Variants in CCR4 observed in about 807,000 individuals in gnomAD.
CCR4 encodes C-C motif chemokine receptor 4.
A neutral mutation model predicts 17.1 loss-of-function variants in CCR4; 9 were observed. The observed-to-expected ratio is 0.53, with a 90% CI of 0.32 to 0.92. The LOEUF (loss-of-function observed/expected upper bound fraction) is 0.92, where lower values mean the gene tolerates loss of function less well. Among genes scored for constraint, CCR4 ranks in the 40% least tolerant of loss-of-function variants. The probability of loss-of-function intolerance (pLI) is 0.04; values close to 1 mark genes in which losing one functional copy is unlikely to be tolerated. For synonymous variants in CCR4, 217 were observed against 174.3 expected (o/e 1.24, Z -1.93); for missense variants, 385 against 433.9 (o/e 0.89, Z 1.00).
At position 32,954,466 on chromosome 3, in the gene CCR4, G is replaced by T; in HGVS notation, c.1044G>T (p.Thr348=). 6.4e-7 allele frequency: 1 copy of T among 1,566,336 alleles called. No individual in the cohort carries two copies. The highest frequency in any genetic ancestry group is 1.4e-5 in the African/African-American group (1 of 73,124). ...YSADTPSSSY[T]QSTMDHDLHD... is the part of the protein sequence containing the mutation. ...CTGACACCCCCAGCTCATCTTACAC[G>T]CAGTCCACCATGGATCATGATCTCC... Residue 348 remains threonine (T), a synonymous_variant, in exon 2 of 2, where the codon ACG becomes ACT. Coordinates refer to ENST00000330953, the MANE Select transcript of CCR4 (RefSeq NM_005508.5).
At position 32,954,008 on chromosome 3, in the gene CCR4, A is replaced by C. The variant is rs1226150766; in HGVS notation, c.586A>C (p.Thr196Pro). 6.2e-7 allele frequency: 1 copy of C among 1,613,954 alleles called. No homozygotes were observed. Among genetic ancestry groups the C allele is most frequent in the Admixed American group, 1.7e-5 (1 of 59,984 alleles). Residue 196 changes from threonine to proline, a missense_variant, in exon 2 of 2, where the codon ACG becomes CCG. Coordinates refer to ENST00000330953, the MANE Select transcript of CCR4 (RefSeq NM_005508.5). ...YCKTKYSLNSTTWKVLSSLEI... is the reference protein window; with the variant it reads ...YCKTKYSLNSPTWKVLSSLEI... ...CAAAACCAAGTACTCTCTCAACTCCACGACGTGGAAGGTTCTCAGCTCCCT... is the reference window on the plus strand; with the variant it reads ...CAAAACCAAGTACTCTCTCAACTCCCCGACGTGGAAGGTTCTCAGCTCCCT...
In CCR4 at chr3:32,953,849, G is replaced by A. The variant is rs1283685228; in HGVS notation, c.427G>A (p.Val143Met). The A allele has an allele frequency of 2.5e-6, 4 of 1,614,080 alleles. No individual in the cohort carries two copies. In the African/African-American group the frequency reaches 5.3e-5, roughly 22 times the overall value. Residue 143 changes from valine (V) to methionine (M), a missense_variant, in exon 2 of 2, where the codon GTG becomes ATG. By Grantham distance (21) the Val-to-Met change is conservative. Transcript: ENST00000330953. ...TAGATACCTGGCAATTGTGCACGCG[G>A]TGTTTTCCTTGAGGGCAAGGACCTT... ...IDRYLAIVHA[V>M]FSLRARTLTY...
At position 32,954,723 on chromosome 3, in the gene CCR4, C is replaced by T; in HGVS notation, c.*218C>T. 1 of 507,078 alleles carries T rather than the reference C, an allele frequency of 2.0e-6. No homozygotes were observed. The highest frequency in any genetic ancestry group is 3.2e-5 in the East Asian group (1 of 30,966). 31.4% of individuals were successfully genotyped at this position (507,078 alleles called of 1,614,324 possible). On this transcript the variant is annotated 3_prime_UTR_variant, in exon 2 of 2. Coordinates refer to ENST00000330953, the MANE Select transcript of CCR4 (RefSeq NM_005508.5). ...TGGGCTGAGGCATCCTTCCTCACAC[C>T]AGGCTTGCCTGCAGGCATGAGTCAG...
rs776019778 is a variant in CCR4 at position 32,953,568 on chromosome 3, T to C, written c.146T>C (p.Val49Ala). Residue 49 changes from valine (V) to alanine (A), a missense_variant, in exon 2 of 2, where the codon GTT becomes GCT. Val to Ala is a moderately conservative substitution (Grantham distance 64, BLOSUM62 0). Coordinates refer to ENST00000330953, the MANE Select transcript of CCR4 (RefSeq NM_005508.5). ...TTCCTGCCCCCACTGTATTCCTTGG[T>C]TTTTGTATTTGGTCTGCTTGGAAAT... ...ELFLPPLYSL[V>A]FVFGLLGNSV... The C allele has an allele frequency of 6.2e-7, 1 of 1,614,062 alleles. No individual in the cohort carries two copies. The highest frequency in any genetic ancestry group is 8.5e-7 in the Non-Finnish European group (1 of 1,180,004).
At position 32,953,503 on chromosome 3, in the gene CCR4, G is replaced by A. The variant is rs747631520; in HGVS notation, c.81G>A (p.Lys27=). Residue 27 remains lysine (K), a synonymous_variant, in exon 2 of 2, where the codon AAG becomes AAA. Transcript: ENST00000330953. ...SNYYLYESIP[K]PCTKEGIKAF... Reference sequence around the variant, plus strand: ...ACTATCTGTATGAAAGTATCCCCAAGCCTTGCACCAAAGAAGGCATCAAGG... The same window carrying A: ...ACTATCTGTATGAAAGTATCCCCAAACCTTGCACCAAAGAAGGCATCAAGG... 1.9e-6 allele frequency: 3 copies of A among 1,614,062 alleles called. No individual in the cohort carries two copies. Among genetic ancestry groups the A allele is most frequent in the East Asian group, 4.5e-5 (2 of 44,884 alleles).
In CCR4 at chr3:32,954,277, C is replaced by T. The variant is rs1257394067; in HGVS notation, c.855C>T (p.Ala285=). The change falls in exon 2 of 2, where the codon GCC becomes GCT. Residue 285 remains alanine (A), a synonymous_variant. Coordinates refer to ENST00000330953, the MANE Select transcript of CCR4 (RefSeq NM_005508.5). The part of the protein sequence containing the change: ...DCTFERYLDY[A]IQATETLAFV... ...CCTTTGAAAGATACTTGGACTATGC[C>T]ATCCAGGCCACAGAAACTCTGGCTT... The T allele has an allele frequency of 6.2e-7, 1 of 1,613,972 alleles. No individual in the cohort carries two copies. The highest frequency in any genetic ancestry group is 1.1e-5 in the South Asian group (1 of 91,036).
At position 32,953,512 on chromosome 3, in the gene CCR4, C is replaced by T; in HGVS notation, c.90C>T (p.Thr30=). The change falls in exon 2 of 2, where the codon ACC becomes ACT. Residue 30 remains threonine, a synonymous_variant. Coordinates refer to ENST00000330953, the MANE Select transcript of CCR4 (RefSeq NM_005508.5). ...YLYESIPKPC[T]KEGIKAFGEL... ...ATGAAAGTATCCCCAAGCCTTGCAC[C>T]AAAGAAGGCATCAAGGCATTTGGGG... is the stretch of plus-strand genomic sequence containing the variant. The T allele has an allele frequency of 6.2e-7, 1 of 1,614,078 alleles. No homozygotes were observed. The highest frequency in any genetic ancestry group is 8.5e-7 in the Non-Finnish European group (1 of 1,180,010).
At position 32,954,557 on chromosome 3, in the gene CCR4, T is replaced by C; in HGVS notation, c.*52T>C. The C allele has an allele frequency of 6.8e-7, 1 of 1,479,534 alleles. No individual in the cohort carries two copies. The highest frequency in any genetic ancestry group is 1.5e-5 in the South Asian group (1 of 65,382). The allele number at this position is 1,479,534 out of a possible 1,614,324, so 91.7% of individuals were successfully genotyped here. On this transcript the variant is annotated 3_prime_UTR_variant, in exon 2 of 2. Transcript: ENST00000330953. ...CAATGAACTTTCCACATTCAGAGCTTACTTAAAATTGTATTTTAGTAAGAG... is the reference window on the plus strand; with the variant it reads ...CAATGAACTTTCCACATTCAGAGCTCACTTAAAATTGTATTTTAGTAAGAG...
chr3:32,953,386 GC>G lies in CCR4; in HGVS notation c.-34del, dbSNP rs1246828712. The G allele has an allele frequency of 3.9e-6, 6 of 1,553,552 alleles. No homozygotes were observed. The highest frequency in any genetic ancestry group is 4.3e-6 in the Non-Finnish European group (5 of 1,154,874). On this transcript the variant is annotated 5_prime_UTR_variant, in exon 2 of 2. Transcript: ENST00000330953. ...CCCCTCATTAGCTGCTTCTGGTTGG[GC>G]CCAGACCTGCCTTGAGGAGCCTGTA...
chr3:32,953,949 G>C lies in CCR4; in HGVS notation c.527G>C (p.Ser176Thr). 6.2e-7 allele frequency: 1 copy of C among 1,614,074 alleles called. No individual in the cohort carries two copies. The highest frequency in any genetic ancestry group is 8.5e-7 in the Non-Finnish European group (1 of 1,180,018). ...VFASLPGFLF[S>T]TCYTERNHTY... ...GCCTCCCTTCCTGGCTTTCTGTTCA[G>C]CACTTGTTATACTGAGCGCAACCAT... Residue 176 changes from serine (S) to threonine (T), a missense_variant, in exon 2 of 2, where the codon AGC becomes ACC. Transcript: ENST00000330953.
At chr3:32,951,938 A>T (rs1353756369) in intron 1 of CCR4, among the ~76,000 whole-genome samples, 1 of 152,174 alleles carries the variant, frequency 6.6e-6, no homozygotes, top group Non-Finnish European at 1.5e-5. Context: ...ATTTTCATAA[A>T]AAATATACAC....
rs1264946608 is a variant in CCR4 at position 32,955,058 on chromosome 3, T to A, written c.*553T>A. 6.0e-6 allele frequency: 1 copy of A among 167,200 alleles called. No individual in the cohort carries two copies. The highest frequency in any genetic ancestry group is 1.5e-5 in the Non-Finnish European group (1 of 68,206). 10.4% of individuals were successfully genotyped at this position (167,200 alleles called of 1,614,324 possible). A position where few individuals can be genotyped will look rare whatever the true frequency, so the allele number is the denominator to read the frequency against. On this transcript the variant is annotated 3_prime_UTR_variant, in exon 2 of 2. Coordinates refer to ENST00000330953, the MANE Select transcript of CCR4 (RefSeq NM_005508.5). Reference sequence around the variant, plus strand: ...GATCTCAATTATTTATTGTAAAGGATTATCTGTTAATTGAAACCAAACTTT... The same window carrying A: ...GATCTCAATTATTTATTGTAAAGGAATATCTGTTAATTGAAACCAAACTTT...
Position 32,954,061 on chromosome 3 carries a change from C to A in CCR4, c.639C>A (p.Ile213=). The A allele has an allele frequency of 6.2e-7, 1 of 1,614,144 alleles. No individual in the cohort carries two copies. ...AAATCAACATTCTCGGATTGGTGAT[C>A]CCCTTAGGGATCATGCTGTTTTGCT... ...SLEINILGLV[I]PLGIMLFCYS... is the part of the protein sequence containing the mutation. The change falls in exon 2 of 2, where the codon ATC becomes ATA. Residue 213 remains isoleucine, a synonymous_variant. Transcript: ENST00000330953.
Position 32,954,488 on chromosome 3 carries a change from C to A in CCR4, c.1066C>A (p.Leu356Ile). 1.3e-6 allele frequency: 2 copies of A among 1,526,852 alleles called. No homozygotes were observed. Among genetic ancestry groups the A allele is most frequent in the Admixed American group, 2.2e-5 (1 of 44,574 alleles). 94.6% of individuals were successfully genotyped at this position (1,526,852 alleles called of 1,614,324 possible). A position where few individuals can be genotyped will look rare whatever the true frequency, so the allele number is the denominator to read the frequency against. ...SYTQSTMDHDLHDAL is the reference protein window; with the variant it reads ...SYTQSTMDHDIHDAL ...CACGCAGTCCACCATGGATCATGAT[C>A]TCCATGATGCTCTGTAGAAAAATGA... is the stretch of plus-strand genomic sequence containing the variant. The change falls in exon 2 of 2, where the codon CTC becomes ATC. Residue 356 changes from leucine (L) to isoleucine (I), a missense_variant. Transcript: ENST00000330953.
In CCR4 at chr3:32,952,088, T is replaced by C. The variant is rs905545654; in HGVS notation, c.-52+398T>C. On this transcript the variant is annotated intron_variant, in intron 1 of 1. Coordinates refer to ENST00000330953, the MANE Select transcript of CCR4 (RefSeq NM_005508.5). ...ATAATTTCCTAACTCCTCAGCCTTG[T>C]TTATGCCTTTCATTTTCACTGGTAA... Among the ~76,000 whole-genome samples, 3 of 152,158 alleles carry C rather than the reference T, an allele frequency of 2.0e-5. No individual in the cohort carries two copies. In the East Asian group the frequency reaches 5.8e-4, roughly 29 times the overall value.
Position 32,955,613 on chromosome 3 carries a change from T to TG in CCR4, c.*1108_*1109insG, listed in dbSNP as rs1424980347. On this transcript the variant is annotated 3_prime_UTR_variant, in exon 2 of 2. Transcript: ENST00000330953. ...TTGAGGTCATTTACTTGTTTTTTTT[T>TG]TTTTTTTTTTTTTTGAGATGGAATC... 1 of 148,680 alleles carries TG rather than the reference T, an allele frequency of 6.7e-6. No individual in the cohort carries two copies. The highest frequency in any genetic ancestry group is 1.6e-5 in the Non-Finnish European group (1 of 62,936). The allele number at this position is 148,680 out of a possible 1,614,324, so 9.2% of individuals were successfully genotyped here. A position where few individuals can be genotyped will look rare whatever the true frequency, so the allele number is the denominator to read the frequency against.
Position 32,954,526 on chromosome 3 carries a change from C to G in CCR4, c.*21C>G. The stretch of plus-strand genomic sequence containing the variant: ...TGTAGAAAAATGAAATGGTGAAATG[C>G]AGAGTCAATGAACTTTCCACATTCA... On this transcript the variant is annotated 3_prime_UTR_variant, in exon 2 of 2. Coordinates refer to ENST00000330953, the MANE Select transcript of CCR4 (RefSeq NM_005508.5). 9.3e-6 allele frequency: 14 copies of G among 1,513,090 alleles called. No individual in the cohort carries two copies. Among genetic ancestry groups the G allele is most frequent in the Non-Finnish European group, 1.2e-5 (14 of 1,133,864 alleles). 93.7% of individuals were successfully genotyped at this position (1,513,090 alleles called of 1,614,324 possible). A position where few individuals can be genotyped will look rare whatever the true frequency, so the allele number is the denominator to read the frequency against.
intron 1 of CCR4, among the ~76,000 whole-genome samples, chr3:32,952,837 T>C (rs1284276131): frequency 6.6e-6 from 1 of 152,116 alleles, no homozygotes; most frequent in Non-Finnish European, 1.5e-5. Context: ...GTGAAGGTGG[T>C]TGGGGAGGTA....
In CCR4 at chr3:32,953,380, G is replaced by T; in HGVS notation, c.-43G>T. 6.5e-7 allele frequency: 1 copy of T among 1,533,942 alleles called. No homozygotes were observed. The highest frequency in any genetic ancestry group is 1.3e-5 in the South Asian group (1 of 77,766). ...GCTCTTCCCCTCATTAGCTGCTTCT[G>T]GTTGGGCCCAGACCTGCCTTGAGGA... On this transcript the variant is annotated 5_prime_UTR_variant, in exon 2 of 2. Coordinates refer to ENST00000330953, the MANE Select transcript of CCR4 (RefSeq NM_005508.5).
Sources: allele counts gnomAD v4.1 joint callset (sites outside exome capture counted in the v4.1 genomes callset), GRCh38; gene constraint gnomAD v4.1.1; transcripts MANE v1.5; gene names NCBI Gene and HGNC (gene_info 2026-07-23, HGNC 2026-07-21).